SNED1: variants seen among roughly 807,000 people sequenced by gnomAD.
SNED1 encodes sushi, nidogen and EGF like domains 1.
SNED1 carries 81 observed loss-of-function variants against 166.7 expected under a neutral mutation model. The ratio of observed to expected loss-of-function variants is 0.49; its 90% CI spans 0.41 to 0.58. SNED1 has a LOEUF of 0.58. Among genes scored for constraint, SNED1 ranks in the 20% least tolerant of loss-of-function variants. The pLI, the probability that SNED1 is intolerant of heterozygous loss-of-function variation, is 0.00. For missense variants in SNED1, 1,604 were observed against 2,000.2 expected (o/e 0.80, Z 3.78); for synonymous variants, 762 against 822.0 (o/e 0.93, Z 1.25).
intron 2 of SNED1, among the ~76,000 whole-genome samples, chr2:241,030,790 A>G (rs544185283): frequency 6.6e-6 from 1 of 152,172 alleles, no homozygotes; most frequent in Non-Finnish European, 1.5e-5. Flanking sequence ...GGAAACACCA[A>G]ATTCCCCAAA....
At position 241,013,085 on chromosome 2, in the gene SNED1, C is replaced by T. The variant is rs1218233043; in HGVS notation, c.213+14035C>T. Among the ~76,000 whole-genome samples the T allele has an allele frequency of 1.3e-5, 2 of 152,176 alleles. No individual in the cohort carries two copies. Among genetic ancestry groups the T allele is most frequent in the Non-Finnish European group, 2.9e-5 (2 of 68,040 alleles). Reference sequence around the variant, plus strand: ...TCCTGACCTCGTGATCCGCCTGTCTCAGCCTCCCAAAGTGATGGGATTACA... The same window carrying T: ...TCCTGACCTCGTGATCCGCCTGTCTTAGCCTCCCAAAGTGATGGGATTACA... On this transcript the variant is annotated intron_variant, in intron 1 of 31. Coordinates refer to ENST00000310397, the MANE Select transcript of SNED1 (RefSeq NM_001080437.3). The surrounding 1 kb of genome is among the most constrained non-coding windows in gnomAD (Gnocchi z 4.6).
chr2:241,050,805 T>G (rs1315382094), intron 12 of SNED1, among the ~76,000 whole-genome samples: 2 of 151,432 alleles, frequency 1.3e-5, no homozygotes, highest in Non-Finnish European at 2.9e-5. Flanking sequence ...CACCTGCCAG[T>G]GGTATGAAGT....
rs74000360 is a variant in SNED1 at position 241,083,138 on chromosome 2, C to T, written c.4121+774C>T. On this transcript the variant is annotated intron_variant, in intron 29 of 31. Transcript: ENST00000310397. ...AGGGAAAAAGGACGAGATGACAGGA[C>T]GAGACCAGGAGAGCCTGCTGGGGAT... is the stretch of plus-strand genomic sequence containing the variant. Among the ~76,000 whole-genome samples, 1,162 of 152,220 alleles carry T rather than the reference C, an allele frequency of 7.6e-3. 21 individuals carry two copies. The highest frequency in any genetic ancestry group is 0.027 in the African/African-American group (1,101 of 41,522).
At position 241,053,210 on chromosome 2, in the gene SNED1, C is replaced by T. The variant is rs770274133; in HGVS notation, c.2141C>T (p.Thr714Met). ...VKHATLRFNG[T>M]RLGAVALYAC... ...CACGCCACACTGCGCTTCAACGGCACGCGGCTGGGCGCGGTGGCCCTGTAT... is the reference window on the plus strand; with the variant it reads ...CACGCCACACTGCGCTTCAACGGCATGCGGCTGGGCGCGGTGGCCCTGTAT... The change falls in exon 16 of 32, where the codon ACG becomes ATG. Residue 714 changes from threonine to methionine, a missense_variant. This residue lies in a region of SNED1 where 1,237 missense variants were observed against 1,620.8 expected (regional missense o/e 0.76). Coordinates refer to ENST00000310397, the MANE Select transcript of SNED1 (RefSeq NM_001080437.3). 4 of 1,609,168 alleles carry T rather than the reference C, an allele frequency of 2.5e-6. No individual in the cohort carries two copies. The highest frequency in any genetic ancestry group is 1.3e-5 in the African/African-American group (1 of 74,912).
chr2:241,049,159 G>C (rs772147283), intron 11 of SNED1, 24 bp downstream of exon 11: 4 of 1,580,248 alleles, frequency 2.5e-6, no homozygotes, highest in Non-Finnish European at 3.5e-6. Context: ...GGACGAGCCT[G>C]CTGGGCCGGG....
Position 241,075,866 on chromosome 2 carries a change from T to A in SNED1, c.3916+2502T>A, listed in dbSNP as rs1383022828. Among the ~76,000 whole-genome samples, 2 of 152,170 alleles carry A rather than the reference T, an allele frequency of 1.3e-5. No homozygotes were observed. The highest frequency in any genetic ancestry group is 2.9e-5 in the Non-Finnish European group (2 of 68,026). On this transcript the variant is annotated intron_variant, in intron 27 of 31. Coordinates refer to ENST00000310397, the MANE Select transcript of SNED1 (RefSeq NM_001080437.3). This position sits in a 1 kb window ranked among gnomAD's most constrained non-coding sequence, Gnocchi z 4.8. Reference sequence around the variant, plus strand: ...ATTAATCTGTTAGACTGTGTGTGTGTGAGAAGTTGGGCTACAATTTCATTT... The same window carrying A: ...ATTAATCTGTTAGACTGTGTGTGTGAGAGAAGTTGGGCTACAATTTCATTT...
At chr2:241,081,654 C>T (rs2063334959) in intron 27 of SNED1, 23 bp from the exon 28 acceptor site, 3 of 1,541,172 alleles carry the variant, frequency 1.9e-6, no homozygotes, top group Non-Finnish European at 2.7e-6. Context: ...CAGTGACTAA[C>T]CTCTCGTGAC....
At position 241,088,407 on chromosome 2, in the gene SNED1, G is replaced by A. The variant is rs1185642442; in HGVS notation, c.*1+5G>A. On this transcript the variant is annotated splice_donor_5th_base_variant and intron_variant, in intron 31 of 31. Coordinates refer to ENST00000310397, the MANE Select transcript of SNED1 (RefSeq NM_001080437.3). The stretch of plus-strand genomic sequence containing the variant: ...AGACACTGGAGAAATCTTAAGGTAC[G>A]TCCCTGCTGCTCCCGCCCCACTACC... 6.8e-6 allele frequency: 11 copies of A among 1,609,688 alleles called. No individual in the cohort carries two copies. Among genetic ancestry groups the A allele is most frequent in the African/African-American group, 2.7e-5 (2 of 74,834 alleles).
Position 241,068,017 on chromosome 2 carries a change from A to C in SNED1, c.3194+70A>C. On this transcript the variant is annotated intron_variant, in intron 22 of 31. Transcript: ENST00000310397. This position sits in a 1 kb window ranked among gnomAD's most constrained non-coding sequence, Gnocchi z 5.3. ...GTGGGGGCTCGGGGACACGGGGCCCAGGTCTCGGGCACATTCTCCGTGTGT... is the reference window on the plus strand; with the variant it reads ...GTGGGGGCTCGGGGACACGGGGCCCCGGTCTCGGGCACATTCTCCGTGTGT... 7.1e-7 allele frequency: 1 copy of C among 1,403,400 alleles called. No individual in the cohort carries two copies. The highest frequency in any genetic ancestry group is 2.4e-5 in the East Asian group (1 of 42,152). 86.9% of individuals were successfully genotyped at this position (1,403,400 alleles called of 1,614,324 possible).
chr2:241,042,776 T>A (rs1468946533), intron 8 of SNED1, among the ~76,000 whole-genome samples: 1 of 152,234 alleles, frequency 6.6e-6, no homozygotes, highest in African/African-American at 2.4e-5. Flanking sequence ...GAAAGATCAA[T>A]GAACCTGAAG....
At chr2:241,049,168 G>A in intron 11 of SNED1, 33 bp downstream of exon 11, 2 of 1,551,788 alleles carry the variant, frequency 1.3e-6, no homozygotes, top group Non-Finnish European at 1.8e-6. Flanking sequence ...TGCTGGGCCG[G>A]GGGCCCGGAC....
chr2:241,087,659 G>T, intron 30 of SNED1, 184 bp downstream of exon 30: 5 of 1,397,364 alleles, frequency 3.6e-6, no homozygotes, highest in South Asian at 1.7e-5. Context: ...ATGTGCATGT[G>T]AGCATACCCA....
At chr2:241,020,146 T>G (rs1249417249) in intron 1 of SNED1, among the ~76,000 whole-genome samples, 1 of 152,198 alleles carries the variant, frequency 6.6e-6, no homozygotes, top group South Asian at 2.1e-4. Flanking sequence ...CCACGTGTGG[T>G]CCACAGGGCC....
At chr2:241,067,676 C>A in intron 21 of SNED1, 88 bp from the exon 22 acceptor site, 1 of 1,144,488 alleles carries the variant, frequency 8.7e-7, no homozygotes, top group Non-Finnish European at 1.2e-6. Flanking sequence ...CCCCCAGCAC[C>A]CTCCCAAGCC....
At chr2:241,050,003 T>G (rs1457966870) in intron 12 of SNED1, 70 bp downstream of exon 12, 1 of 1,072,778 alleles carries the variant, frequency 9.3e-7, no homozygotes, top group Non-Finnish European at 1.4e-6. Context: ...CCGTCCTGCT[T>G]CTCTGCTGTC....
At chr2:241,027,188 C>A (rs1328240162) in intron 1 of SNED1, among the ~76,000 whole-genome samples, 2 of 152,080 alleles carry the variant, frequency 1.3e-5, no homozygotes, top group East Asian at 3.9e-4. Flanking sequence ...TCAAGTGATC[C>A]TTGTGCTTCA....
Position 241,053,211 on chromosome 2 carries a change from G to T in SNED1, c.2142G>T (p.Thr714=). 6.2e-7 allele frequency: 1 copy of T among 1,609,314 alleles called. No individual in the cohort carries two copies. Residue 714 remains threonine, a synonymous_variant, in exon 16 of 32, where the codon ACG becomes ACT. Coordinates refer to ENST00000310397, the MANE Select transcript of SNED1 (RefSeq NM_001080437.3). ...VKHATLRFNG[T]RLGAVALYAC... Reference sequence around the variant, plus strand: ...ACGCCACACTGCGCTTCAACGGCACGCGGCTGGGCGCGGTGGCCCTGTATG... The same window carrying T: ...ACGCCACACTGCGCTTCAACGGCACTCGGCTGGGCGCGGTGGCCCTGTATG...
intron 1 of SNED1, among the ~76,000 whole-genome samples, chr2:241,026,279 G>A (rs1446913448): frequency 6.6e-6 from 1 of 152,118 alleles, no homozygotes; most frequent in African/African-American, 2.4e-5. Flanking sequence ...GCCTCCCAAA[G>A]TGCTGGGATT....
chr2:241,086,574 G>GACAT (rs982654980), intron 29 of SNED1, among the ~76,000 whole-genome samples: 1 of 152,158 alleles, frequency 6.6e-6, no homozygotes, highest in African/African-American at 2.4e-5. Flanking sequence ...TCTAACATCT[G>GACAT]ACATACAGTT....
Sources: allele counts gnomAD v4.1 joint callset (sites outside exome capture counted in the v4.1 genomes callset), GRCh38; gene constraint gnomAD v4.1.1; regional missense constraint gnomAD v4.1.1; non-coding constraint Gnocchi (gnomAD v3.1); transcripts MANE v1.5; gene names NCBI Gene and HGNC (gene_info 2026-07-23, HGNC 2026-07-21).